NPEPPS: variants seen among roughly 807,000 people sequenced by gnomAD.
The protein encoded by NPEPPS is aminopeptidase puromycin sensitive.
NPEPPS carries 14 observed loss-of-function variants against 115.5 expected under a neutral mutation model. That is an observed-to-expected ratio of 0.12 (90% CI 0.08 to 0.19). The LOEUF (loss-of-function observed/expected upper bound fraction) is 0.19. NPEPPS is among the 10% of genes least tolerant of loss of function. The probability of loss-of-function intolerance (pLI) is 1.00; values close to 1 mark genes in which losing one functional copy is unlikely to be tolerated. For missense variants in NPEPPS, 523 were observed against 1,110.8 expected, an observed-to-expected ratio of 0.47 and a Z score of 7.52; for synonymous variants, 285 against 390.6, an observed-to-expected ratio of 0.73 and a Z score of 3.19.
intron 8 of NPEPPS, chr17:47,586,788 C>T (rs191209045): frequency 9.5e-5 from 44 of 463,674 alleles, no homozygotes; most frequent in Admixed American, 5.8e-4. Flanking sequence ...CAGAGTCTGT[C>T]TGTAAACAAG....
chr17:47,594,211 T>G (rs1281678072), intron 12 of NPEPPS, among the ~76,000 whole-genome samples: 1 of 152,160 alleles, frequency 6.6e-6, no homozygotes, highest in Non-Finnish European at 1.5e-5. Flanking sequence ...TAGAGGTTGT[T>G]CTAGTTGAGT....
intron 1 of NPEPPS, among the ~76,000 whole-genome samples, chr17:47,534,954 A>G (rs1049958439): frequency 5.3e-5 from 8 of 151,884 alleles, no homozygotes; most frequent in African/African-American, 1.9e-4. Context: ...TTTAAAAATC[A>G]ATTGTCTTGG....
chr17:47,524,814 T>C lies in NPEPPS; in HGVS notation c.77+1751T>C, dbSNP rs565919775. Among the ~76,000 whole-genome samples, 371 of 150,890 alleles carry C rather than the reference T, an allele frequency of 2.5e-3. 3 individuals carry two copies. The highest frequency in any genetic ancestry group is 8.7e-3 in the African/African-American group (357 of 41,218). ...CCACCGTGCCCGGCCAATTTTTTTTTTTTTTTTTGTAGAGATGGGAGTCTC... is the reference window on the plus strand; with the variant it reads ...CCACCGTGCCCGGCCAATTTTTTTTCTTTTTTTTGTAGAGATGGGAGTCTC... On this transcript the variant is annotated intron_variant, in intron 1 of 5. Transcript: ENST00000525007.
chr17:47,614,951 T>C (rs990545454), intron 19 of NPEPPS, among the ~76,000 whole-genome samples: 3 of 152,194 alleles, frequency 2.0e-5, no homozygotes, highest in African/African-American at 7.2e-5. Context: ...ATCTAAATTC[T>C]GATATTTTGG....
intron 2 of NPEPPS, among the ~76,000 whole-genome samples, chr17:47,553,599 A>G (rs1909797300): frequency 6.6e-6 from 1 of 152,152 alleles, no homozygotes; most frequent in Non-Finnish European, 1.5e-5. Context: ...TAGTAGCAAA[A>G]CTTATATATG....
intron 1 of NPEPPS, among the ~76,000 whole-genome samples, chr17:47,532,113 T>C (rs992247706): frequency 2.0e-5 from 3 of 152,002 alleles, no homozygotes; most frequent in African/African-American, 7.2e-5. Context: ...AGAACGAGAA[T>C]GTTAATCCCA....
intron 9 of NPEPPS, among the ~76,000 whole-genome samples, chr17:47,588,406 A>T (rs1912315702): frequency 6.6e-6 from 1 of 152,068 alleles, no homozygotes; most frequent in Non-Finnish European, 1.5e-5. Flanking sequence ...CACTAAAAAA[A>T]ATAGAAAATT....
chr17:47,599,568 C>T (rs1245911569), intron 13 of NPEPPS, 108 bp from the exon 14 acceptor site: 1 of 794,278 alleles, frequency 1.3e-6, no homozygotes, highest in African/African-American at 1.7e-5. Context: ...TTTGGTTGTG[C>T]TCGTTCCAGC....
At chr17:47,531,614 C>T (rs1240507019) in intron 1 of NPEPPS, 59 bp downstream of exon 1, 4 of 1,505,326 alleles carry the variant, frequency 2.7e-6, no homozygotes, top group African/African-American at 1.4e-5. Flanking sequence ...GCCGCGCCCG[C>T]GGGCTGGACT....
At chr17:47,539,343 T>A (rs991000876) in intron 1 of NPEPPS, among the ~76,000 whole-genome samples, 9 of 152,168 alleles carry the variant, frequency 5.9e-5, no homozygotes, top group Admixed American at 4.6e-4. Flanking sequence ...TTCTCTAGAT[T>A]TTAGTGATTT....
chr17:47,565,751 T>G lies in NPEPPS; in HGVS notation c.341-3666T>G, dbSNP rs1213324180. Among the ~76,000 whole-genome samples, 10 of 151,106 alleles carry G rather than the reference T, an allele frequency of 6.6e-5. No homozygotes were observed. In the South Asian group the frequency reaches 1.5e-3, roughly 22 times the overall value. On this transcript the variant is annotated intron_variant, in intron 2 of 22. Coordinates refer to ENST00000322157, the MANE Select transcript of NPEPPS (RefSeq NM_006310.4). ...GGGAGGAACACTTGAACCTGAGAGG[T>G]CAAGGTTGCAGTGAGCCAAGATGGC...
At position 47,542,968 on chromosome 17, in the gene NPEPPS, C is replaced by T. The variant is rs193112375; in HGVS notation, c.256-2941C>T. 8.9e-3 allele frequency among the ~76,000 whole-genome samples: 1,353 copies of T among 151,922 alleles called. 12 individuals carry two copies. Among genetic ancestry groups the T allele is most frequent in the Non-Finnish European group, 0.014 (939 of 67,956 alleles). On this transcript the variant is annotated intron_variant, in intron 1 of 22. Transcript: ENST00000322157. ...CCTGACCAACAAGGTGAAACCCCAT[C>T]TCTACTAAAAATACAAAAATTAGAT...
chr17:47,539,822 T>G (rs894146501), intron 1 of NPEPPS, among the ~76,000 whole-genome samples: 7 of 152,176 alleles, frequency 4.6e-5, no homozygotes, highest in Non-Finnish European at 1.0e-4. Flanking sequence ...ATCTGCTTCT[T>G]CTTGTCTTTA....
intron 17 of NPEPPS, among the ~76,000 whole-genome samples, chr17:47,611,454 A>T (rs1913866723): frequency 8.1e-6 from 1 of 123,110 alleles, no homozygotes; most frequent in Non-Finnish European, 1.8e-5. Context: ...GCGAGACCAC[A>T]TCTCAAAAAA....
At chr17:47,618,261 T>A in intron 19 of NPEPPS, 89 bp from the exon 20 acceptor site, 1 of 794,960 alleles carries the variant, frequency 1.3e-6, no homozygotes, top group Non-Finnish European at 2.1e-6. Flanking sequence ...AACCTAAGTT[T>A]TACCTTACTG....
intron 2 of NPEPPS, among the ~76,000 whole-genome samples, chr17:47,568,743 C>T (rs1231317459): frequency 2.6e-5 from 4 of 152,040 alleles, no homozygotes; most frequent in East Asian, 1.9e-4. Context: ...GCAACCTCCG[C>T]CTCCCGGGTT....
At chr17:47,586,316 A>G (rs768413406) in intron 7 of NPEPPS, 49 bp from the exon 8 acceptor site, 134 of 416,182 alleles carry the variant, frequency 3.2e-4, no homozygotes, top group East Asian at 2.4e-3. Flanking sequence ...ATGCAAGAGT[A>G]TATATATATA....
rs59893483 is a variant in NPEPPS at position 47,610,845 on chromosome 17, C to CTTTTTTTTTTT, written c.2096-1599_2096-1589dup. Reference sequence around the variant, plus strand: ...GAAATTGCTGAGTCATATGATGACTCTTTTTTTTTTTTTTTTTTTTTTTTT... The same window carrying CTTTTTTTTTTT: ...GAAATTGCTGAGTCATATGATGACTCTTTTTTTTTTTTTTTTTTTTTTTTTTTTTTTTTTTT... On this transcript the variant is annotated intron_variant, in intron 17 of 22. Coordinates refer to ENST00000322157, the MANE Select transcript of NPEPPS (RefSeq NM_006310.4). Among the ~76,000 whole-genome samples, 30 of 100,112 alleles carry CTTTTTTTTTTT rather than the reference C, an allele frequency of 3.0e-4. 5 individuals carry two copies. The highest frequency in any genetic ancestry group is 1.2e-3 in the African/African-American group (28 of 24,026). The allele number at this position is 100,112 out of a possible 152,430, so 65.7% of individuals were successfully genotyped here. A position where few individuals can be genotyped will look rare whatever the true frequency, so the allele number is the denominator to read the frequency against.
chr17:47,555,678 GAGTT>G (rs1909958383), intron 2 of NPEPPS, among the ~76,000 whole-genome samples: 1 of 151,838 alleles, frequency 6.6e-6, no homozygotes, highest in Non-Finnish European at 1.5e-5. Context: ...GAAGCTGGAA[GAGTT>G]AGTTGTTCTC....
Sources: allele counts gnomAD v4.1 joint callset (sites outside exome capture counted in the v4.1 genomes callset), GRCh38; gene constraint gnomAD v4.1.1; transcripts MANE v1.5; gene names NCBI Gene and HGNC (gene_info 2026-07-23, HGNC 2026-07-21).